Variants in ZNF423 observed in about 807,000 individuals in gnomAD.
ZNF423 encodes the protein Ebf-associated zinc finger protein.
ZNF423 carries 12 observed loss-of-function variants against 95.8 expected under a neutral mutation model. That is an observed-to-expected ratio of 0.13 (90% CI 0.08 to 0.20). ZNF423 has a LOEUF of 0.20. Among genes scored for constraint, ZNF423 ranks in the 10% least tolerant of loss-of-function variants. ZNF423 has a pLI of 1.00. For synonymous variants in ZNF423, 749 were observed against 711.9 expected, an observed-to-expected ratio of 1.05 and a Z score of -0.83; for missense variants, 1,316 against 1,737.1, an observed-to-expected ratio of 0.76 and a Z score of 4.31.
intron 1 of ZNF423, among the ~76,000 whole-genome samples, chr16:49,820,226 C>T (rs932976951): frequency 2.6e-5 from 4 of 152,268 alleles, no homozygotes; most frequent in Admixed American, 1.3e-4. Context: ...CTCTTGAAGG[C>T]AGACCCCCTA....
intron 5 of ZNF423, among the ~76,000 whole-genome samples, chr16:49,552,133 G>T (rs1969663168): frequency 6.6e-6 from 1 of 152,232 alleles, no homozygotes. Context: ...TGCAGGGTCT[G>T]CATAACCCTC....
At position 49,490,379 on chromosome 16, in the gene ZNF423, A is replaced by G. The variant is rs1426529762; in HGVS notation, c.*896T>C. Reference sequence around the variant, plus strand: ...AAGAGTGGGAAGATCAGGGTATTCCATCATTAAGGGGTCTTCTGCTTTGAC... The same window carrying G: ...AAGAGTGGGAAGATCAGGGTATTCCGTCATTAAGGGGTCTTCTGCTTTGAC... On this transcript the variant is annotated 3_prime_UTR_variant, in exon 8 of 8. Transcript: ENST00000563137. 6.6e-6 allele frequency: 1 copy of G among 152,212 alleles called. No homozygotes were observed. Among genetic ancestry groups the G allele is most frequent in the Non-Finnish European group, 1.5e-5 (1 of 68,046 alleles). 9.4% of individuals were successfully genotyped at this position (152,212 alleles called of 1,614,324 possible). A position where few individuals can be genotyped will look rare whatever the true frequency, so the allele number is the denominator to read the frequency against.
intron 2 of ZNF423, among the ~76,000 whole-genome samples, chr16:49,762,816 G>A (rs2033856530): frequency 1.3e-5 from 2 of 152,110 alleles, no homozygotes; most frequent in South Asian, 4.2e-4. Flanking sequence ...GCTTGGTCTT[G>A]GAATATCTTA....
chr16:49,635,791 G>T lies in ZNF423; in HGVS notation c.3385C>A (p.Arg1129Ser). 6.2e-7 allele frequency: 1 copy of T among 1,612,430 alleles called. No homozygotes were observed. The highest frequency in any genetic ancestry group is 8.5e-7 in the Non-Finnish European group (1 of 1,179,726). Residue 1129 changes from arginine (R) to serine (S), a missense_variant, in exon 4 of 8, where the codon CGT becomes AGT. Arg to Ser is a moderately radical substitution (Grantham distance 110). Transcript: ENST00000563137. This position sits in a 1 kb window ranked among gnomAD's most constrained non-coding sequence, Gnocchi z 4.8. The part of the protein sequence containing the change: ...EPADRPCAGL[R>S]CPECSVKFES... ...AACTTGACACTGCACTCGGGGCAAC[G>T]GAGGCCGGCACAGGGCCGGTCGGCG...
At chr16:49,664,177 C>CGGCAG in intron 3 of ZNF423, 1 of 985,550 alleles carries the variant, frequency 1.0e-6, no homozygotes, top group Non-Finnish European at 1.2e-6. Context: ...CAGCACCCGG[C>CGGCAG]GGCAGGGCAG....
chr16:49,716,152 T>G (rs1253910937), intron 3 of ZNF423, among the ~76,000 whole-genome samples: 1 of 152,090 alleles, frequency 6.6e-6, no homozygotes, highest in Non-Finnish European at 1.5e-5. Flanking sequence ...GGGTACAGGC[T>G]GGGTGCCCAC....
At chr16:49,654,261 C>T (rs1019362866) in intron 3 of ZNF423, among the ~76,000 whole-genome samples, 1 of 152,242 alleles carries the variant, frequency 6.6e-6, no homozygotes, top group African/African-American at 2.4e-5. Context: ...CCCGAAAGCC[C>T]AACCCATGAC....
Position 49,600,967 on chromosome 16 carries a change from C to T in ZNF423, c.3601+25203G>A, listed in dbSNP as rs1324164427. On this transcript the variant is annotated intron_variant, in intron 5 of 7. Coordinates refer to ENST00000563137, the MANE Select transcript of ZNF423 (RefSeq NM_001379286.1). Reference sequence around the variant, plus strand: ...GGGTGGATGCATCATCGGAGAATTTCTCTGATATGATGTTTATAAAGAAGG... The same window carrying T: ...GGGTGGATGCATCATCGGAGAATTTTTCTGATATGATGTTTATAAAGAAGG... Among the ~76,000 whole-genome samples, 5 of 152,138 alleles carry T rather than the reference C, an allele frequency of 3.3e-5. No individual in the cohort carries two copies. In the South Asian group the frequency reaches 1.0e-3, roughly 32 times the overall value.
chr16:49,731,573 G>A (rs1275539818), intron 2 of ZNF423, among the ~76,000 whole-genome samples: 1 of 152,024 alleles, frequency 6.6e-6, no homozygotes, highest in Non-Finnish European at 1.5e-5. Context: ...AGCACTCTGA[G>A]AGACCAAGGT....
intron 5 of ZNF423, among the ~76,000 whole-genome samples, chr16:49,530,958 C>A (rs866962716): frequency 6.6e-6 from 1 of 152,220 alleles, no homozygotes; most frequent in Non-Finnish European, 1.5e-5. Flanking sequence ...GCTCCCTGAT[C>A]ACCCAAAAAA....
chr16:49,561,537 T>A (rs1970016258), intron 5 of ZNF423, among the ~76,000 whole-genome samples: 2 of 152,204 alleles, frequency 1.3e-5, no homozygotes, highest in African/African-American at 4.8e-5. Context: ...TCTAAGTGAA[T>A]CTGTATGCTT....
intron 5 of ZNF423, among the ~76,000 whole-genome samples, chr16:49,551,291 T>C (rs548837200): frequency 6.6e-6 from 1 of 152,374 alleles, no homozygotes; most frequent in East Asian, 1.9e-4. Context: ...TCCGCTTTTC[T>C]GCCAAAAAGT....
intron 5 of ZNF423, among the ~76,000 whole-genome samples, chr16:49,588,362 G>A (rs77524543): frequency 0.021 from 3,225 of 152,264 alleles, 117 homozygotes; most frequent in African/African-American, 0.073. Context: ...GCTGGCTCCC[G>A]ACCTTACATA....
At chr16:49,733,517 T>A (rs1173069385) in intron 2 of ZNF423, among the ~76,000 whole-genome samples, 1 of 152,162 alleles carries the variant, frequency 6.6e-6, no homozygotes, top group Admixed American at 6.5e-5. Context: ...GAATGTCAAC[T>A]CTCAGGTTTT....
chr16:49,828,872 G>A (rs186438996), intron 1 of ZNF423, among the ~76,000 whole-genome samples: 1,547 of 152,352 alleles, frequency 0.01, 17 homozygotes, highest in Non-Finnish European at 0.016. Context: ...ATTTTTGGCA[G>A]GCTGAGGACT....
At chr16:49,557,912 G>A (rs1361999835) in intron 5 of ZNF423, among the ~76,000 whole-genome samples, 2 of 152,114 alleles carry the variant, frequency 1.3e-5, no homozygotes, top group African/African-American at 2.4e-5. Flanking sequence ...TGGGCACCTG[G>A]GGCCCCCAAA....
rs372859239 is a variant in ZNF423, at chr16:49,687,833, C to T, written c.301+42938G>A. ...CTTTTTTCCCTCCTTTTTCTCTGCC[C>T]CCCACATGTGAGACAGGACTCCCAG... On this transcript the variant is annotated intron_variant, in intron 3 of 7. Transcript: ENST00000563137. Among the ~76,000 whole-genome samples, 520 of 152,224 alleles carry T rather than the reference C, an allele frequency of 3.4e-3. 2 individuals are homozygous for T. The highest frequency in any genetic ancestry group is 6.2e-3 in the Non-Finnish European group (420 of 68,006).
chr16:49,746,894 G>C (rs537051978), intron 2 of ZNF423, among the ~76,000 whole-genome samples: 1 of 152,288 alleles, frequency 6.6e-6, no homozygotes, highest in African/African-American at 2.4e-5. Flanking sequence ...AGCAGTTGTG[G>C]CACCCCTAGC....
At chr16:49,537,473 T>C (rs565836138) in intron 5 of ZNF423, among the ~76,000 whole-genome samples, 2 of 152,288 alleles carry the variant, frequency 1.3e-5, no homozygotes, top group African/African-American at 2.4e-5. Flanking sequence ...TGAAGCTAAA[T>C]TGGAAATTCA....
Sources: allele counts gnomAD v4.1 joint callset (sites outside exome capture counted in the v4.1 genomes callset), GRCh38; gene constraint gnomAD v4.1.1; non-coding constraint Gnocchi (gnomAD v3.1); transcripts MANE v1.5; gene names NCBI Gene and HGNC (gene_info 2026-07-23, HGNC 2026-07-21).